The following STK3 variants were observed in gnomAD, a reference collection of about 807,000 sequenced individuals.
The protein encoded by STK3 is serine/threonine-protein kinase 3.
A neutral mutation model predicts 58.0 loss-of-function variants in STK3; 41 were observed. That is an observed-to-expected ratio of 0.71 (90% CI 0.55 to 0.92). The LOEUF is 0.92. STK3 is among the 40% of genes least tolerant of loss of function. STK3 has a pLI of 0.00. For synonymous variants in STK3, 170 were observed against 191.0 expected (o/e 0.89, Z 0.91); for missense variants, 479 against 602.7 (o/e 0.79, Z 2.15).
chr8:98,558,005 T>C (rs1007997139), intron 8 of STK3, among the ~76,000 whole-genome samples: 1 of 152,078 alleles, frequency 6.6e-6, no homozygotes, highest in Non-Finnish European at 1.5e-5. Context: ...AAACAAAAGA[T>C]TACCTTACAT....
chr8:98,632,294 G>A (rs757757705), intron 6 of STK3, among the ~76,000 whole-genome samples: 3 of 152,138 alleles, frequency 2.0e-5, no homozygotes, highest in African/African-American at 4.8e-5. Context: ...AGAGATTGGC[G>A]ACCATGTGAA....
intron 6 of STK3, among the ~76,000 whole-genome samples, chr8:98,684,938 T>C (rs1231051645): frequency 6.6e-6 from 1 of 152,200 alleles, no homozygotes; most frequent in Non-Finnish European, 1.5e-5. Flanking sequence ...AAAATAAGTA[T>C]GGTTTCATGT....
intron 1 of STK3, chr8:98,905,541 T>C: frequency 9.6e-7 from 1 of 1,044,882 alleles, no homozygotes; most frequent in Non-Finnish European, 1.5e-6. Flanking sequence ...CGCCGTCTTG[T>C]CTTCTATGTG....
At chr8:98,621,315 T>C (rs892441836) in intron 6 of STK3, among the ~76,000 whole-genome samples, 2 of 152,346 alleles carry the variant, frequency 1.3e-5, no homozygotes, top group Admixed American at 6.5e-5. Context: ...TATTCATTGG[T>C]ATTTTCTATG....
At chr8:98,649,838 G>A (rs1820735792) in intron 6 of STK3, among the ~76,000 whole-genome samples, 1 of 152,140 alleles carries the variant, frequency 6.6e-6, no homozygotes, top group Admixed American at 6.5e-5. Flanking sequence ...AATATTATAA[G>A]AATTGGGAAC....
intron 6 of STK3, among the ~76,000 whole-genome samples, chr8:98,629,638 T>C (rs1003301270): frequency 6.6e-6 from 1 of 152,196 alleles, no homozygotes; most frequent in Non-Finnish European, 1.5e-5. Flanking sequence ...GTAATTTTCC[T>C]GACCAGACCA....
intron 6 of STK3, among the ~76,000 whole-genome samples, chr8:98,652,045 T>C (rs992382939): frequency 1.3e-5 from 2 of 151,706 alleles, no homozygotes; most frequent in South Asian, 2.1e-4. Flanking sequence ...TTCACCAAAG[T>C]TGAAATGAAG....
chr8:98,904,538 A>C, intron 1 of STK3: 1 of 482,554 alleles, frequency 2.1e-6, no homozygotes, highest in South Asian at 1.7e-5. Context: ...GCACGGAGCA[A>C]GTTCTCATAT....
At chr8:98,565,885 T>A (rs953338176) in intron 8 of STK3, among the ~76,000 whole-genome samples, 2 of 152,184 alleles carry the variant, frequency 1.3e-5, no homozygotes, top group African/African-American at 4.8e-5. Flanking sequence ...GAATTCTTAC[T>A]ATGTAATACA....
intron 9 of STK3, among the ~76,000 whole-genome samples, chr8:98,542,491 CT>C (rs1810375127): frequency 6.6e-6 from 1 of 152,080 alleles, no homozygotes; most frequent in Non-Finnish European, 1.5e-5. Flanking sequence ...GCCCCTTTGA[CT>C]AGCTTACTAA....
intron 4 of STK3, among the ~76,000 whole-genome samples, chr8:98,724,074 C>T (rs766533390): frequency 1.1e-4 from 17 of 152,112 alleles, no homozygotes; most frequent in Non-Finnish European, 1.8e-4. Flanking sequence ...TGATCACTGT[C>T]TTCATGACAC....
rs567110846 is a variant in STK3 at position 98,620,466 on chromosome 8, T to TA, written c.685-24298dup. On this transcript the variant is annotated intron_variant, in intron 6 of 10. Coordinates refer to ENST00000419617, the MANE Select transcript of STK3 (RefSeq NM_006281.4). ...ATGTACCCTAAAACTTAAAGTATAATAAAAAAAATAAATAAATAAATAAAT... is the reference window on the plus strand; with the variant it reads ...ATGTACCCTAAAACTTAAAGTATAATAAAAAAAAATAAATAAATAAATAAAT... Among the ~76,000 whole-genome samples the TA allele has an allele frequency of 1.9e-3, 205 of 105,238 alleles. No individual in the cohort carries two copies. In the East Asian group the frequency reaches 0.025, roughly 13 times the overall value. 69.0% of individuals were successfully genotyped at this position (105,238 alleles called of 152,430 possible). A position where few individuals can be genotyped will look rare whatever the true frequency, so the allele number is the denominator to read the frequency against.
chr8:98,858,333 G>T (rs1438503635), intron 3 of STK3, among the ~76,000 whole-genome samples: 37 of 120,286 alleles, frequency 3.1e-4, no homozygotes, highest in Admixed American at 5.1e-4. Context: ...TAGAGAGAGA[G>T]AGAGAGAGAG....
At chr8:98,385,487 A>G (rs1189129173) in intron 1 of STK3, among the ~76,000 whole-genome samples, 1 of 152,170 alleles carries the variant, frequency 6.6e-6, no homozygotes, top group Non-Finnish European at 1.5e-5. Flanking sequence ...CCAACCGAAG[A>G]AAGACCCCGG....
chr8:98,427,206 C>G (rs1293757977), intron 3 of STK3: 4 of 150,624 alleles, frequency 2.7e-5, no homozygotes, highest in Non-Finnish European at 5.9e-5. Flanking sequence ...CCCGCCGGCC[C>G]GCCGGGCGCA....
intron 1 of STK3, among the ~76,000 whole-genome samples, chr8:98,940,307 C>A (rs1840362070): frequency 6.6e-6 from 1 of 152,210 alleles, no homozygotes; most frequent in Non-Finnish European, 1.5e-5. Context: ...GGCCTTGCGC[C>A]GGCTCTGGGC....
chr8:98,633,125 T>C (rs1029064372), intron 6 of STK3, among the ~76,000 whole-genome samples: 3 of 151,800 alleles, frequency 2.0e-5, no homozygotes, highest in Admixed American at 2.0e-4. Flanking sequence ...GCACACAAGA[T>C]GCAAAGGAAG....
chr8:98,424,697 CA>C lies in STK3; in HGVS notation n.483+9429del, dbSNP rs147987447. On this transcript the variant is annotated intron_variant and non_coding_transcript_variant, in intron 3 of 3. Transcript: ENST00000517832. The stretch of plus-strand genomic sequence containing the variant: ...GAAGGAGGCGGGCAGATACATGAAG[CA>C]GGGGAGGGAGGAAAGCCCTGGAGGA... Among the ~76,000 whole-genome samples the C allele has an allele frequency of 1.2e-3, 186 of 152,232 alleles. 1 individual carries two copies. The highest frequency in any genetic ancestry group is 4.3e-3 in the African/African-American group (178 of 41,534).
chr8:98,700,152 C>T (rs555577016), intron 6 of STK3, among the ~76,000 whole-genome samples: 5 of 152,290 alleles, frequency 3.3e-5, no homozygotes, highest in African/African-American at 1.2e-4. Context: ...ACTCCGTGGG[C>T]GTAGGACCCT....
Sources: gnomAD v4.1 joint callset for allele counts (sites outside exome capture counted in the v4.1 genomes callset) on GRCh38, gnomAD v4.1.1 for gene constraint, MANE v1.5 for transcripts, NCBI Gene and HGNC (gene_info 2026-07-23, HGNC 2026-07-21) for gene names.